Variants in DLGAP2 observed in about 807,000 individuals in gnomAD.
DLGAP2 encodes the protein disks large-associated protein 2.
In DLGAP2, 26 loss-of-function variants were observed where a neutral mutation model predicts 100.3. The ratio of observed to expected loss-of-function variants is 0.26; its 90% CI spans 0.19 to 0.36. DLGAP2 has a LOEUF of 0.36. DLGAP2 is among the 10% of genes least tolerant of loss of function. The pLI is 1.00. For missense variants in DLGAP2, 1,858 were observed against 1,453.2 expected (o/e 1.28, Z -4.53); for synonymous variants, 886 against 630.1 (o/e 1.41, Z -6.08).
At position 1,707,953 on chromosome 8, in the gene DLGAP2, C is replaced by G. The variant is rs1327004897; in HGVS notation, c.*6547C>G. On this transcript the variant is annotated 3_prime_UTR_variant, in exon 15 of 15. Coordinates refer to ENST00000637795, the MANE Select transcript of DLGAP2 (RefSeq NM_001346810.2). ...TTCTATTTAGTAGCATGCAGGATAC[C>G]TAATCTGAATGTGCAATATGCTATT... 6.6e-6 allele frequency: 1 copy of G among 152,576 alleles called. No individual in the cohort carries two copies. Among genetic ancestry groups the G allele is most frequent in the Non-Finnish European group, 1.5e-5 (1 of 68,040 alleles). 9.5% of individuals were successfully genotyped at this position (152,576 alleles called of 1,614,324 possible).
intron 6 of DLGAP2, among the ~76,000 whole-genome samples, chr8:1,586,987 G>T (rs990820003): frequency 6.6e-6 from 1 of 152,158 alleles, no homozygotes; most frequent in African/African-American, 2.4e-5. Context: ...CTAATGGGCT[G>T]ATTATACCCA....
intron 2 of DLGAP2, among the ~76,000 whole-genome samples, chr8:914,691 A>G (rs1386909230): frequency 6.6e-6 from 1 of 152,234 alleles, no homozygotes; most frequent in Non-Finnish European, 1.5e-5. Context: ...GTACGTATTT[A>G]TCTAGGTTTG....
At position 1,676,594 on chromosome 8, in the gene DLGAP2, G is replaced by T. The variant is rs763441363; in HGVS notation, c.2264G>T (p.Gly755Val). ...GGTCTGCGGGAATACCACTCTGTCGGGGTGCAAGTGGAAGATGAGAAGCGG... is the reference window on the plus strand; with the variant it reads ...GGTCTGCGGGAATACCACTCTGTCGTGGTGCAAGTGGAAGATGAGAAGCGG... ...SRGLREYHSV[G>V]VQVEDEKRHG... Residue 755 changes from glycine (G) to valine (V), a missense_variant, in exon 11 of 15, where the codon GGG becomes GTG. By Grantham distance (109) the Gly-to-Val change is moderately radical. Coordinates refer to ENST00000637795, the MANE Select transcript of DLGAP2 (RefSeq NM_001346810.2). 6.2e-7 allele frequency: 1 copy of T among 1,613,102 alleles called. No individual in the cohort carries two copies. Among genetic ancestry groups the T allele is most frequent in the East Asian group, 2.2e-5 (1 of 44,870 alleles).
intron 2 of DLGAP2, among the ~76,000 whole-genome samples, chr8:946,473 C>G (rs1398285286): frequency 1.3e-5 from 2 of 151,888 alleles, no homozygotes; most frequent in Non-Finnish European, 2.9e-5. Flanking sequence ...CCATATTAGC[C>G]AGGATGGTCT....
At chr8:1,127,771 C>T (rs550198178) in intron 2 of DLGAP2, among the ~76,000 whole-genome samples, 4 of 152,270 alleles carry the variant, frequency 2.6e-5, no homozygotes, top group East Asian at 3.9e-4. Context: ...TAACTACGCC[C>T]GTTCTGTTGT....
intron 2 of DLGAP2, among the ~76,000 whole-genome samples, chr8:1,098,673 C>T (rs1804476504): frequency 7.7e-6 from 1 of 129,250 alleles, no homozygotes; most frequent in Non-Finnish European, 1.7e-5. Flanking sequence ...CGCCAGGCTC[C>T]CGGCCGCCCA....
At chr8:891,400 A>T (rs1798031988) in intron 1 of DLGAP2, 1 of 152,348 alleles carries the variant, frequency 6.6e-6, no homozygotes, top group South Asian at 2.1e-4. Context: ...AGCCCTGGTG[A>T]GGTGTACACA....
At chr8:1,589,889 G>A (rs1041802434) in intron 6 of DLGAP2, among the ~76,000 whole-genome samples, 1 of 152,160 alleles carries the variant, frequency 6.6e-6, no homozygotes, top group African/African-American at 2.4e-5. Context: ...TTACATTTGG[G>A]GGATGGACTG....
intron 2 of DLGAP2, among the ~76,000 whole-genome samples, chr8:1,095,605 A>G (rs1471642920): frequency 1.3e-5 from 2 of 151,976 alleles, no homozygotes; most frequent in Admixed American, 1.3e-4. Flanking sequence ...AAAGTAAACC[A>G]TTTTCCGAGT....
intron 3 of DLGAP2, among the ~76,000 whole-genome samples, chr8:1,350,285 TGAGC>T (rs1397967413): frequency 3.2e-5 from 3 of 92,532 alleles, no homozygotes; most frequent in Admixed American, 1.2e-4. Flanking sequence ...GTGCGGGTCC[TGAGC>T]GTGCGTGGAA....
At chr8:1,221,305 A>G (rs1458593177) in intron 2 of DLGAP2, among the ~76,000 whole-genome samples, 2 of 152,188 alleles carry the variant, frequency 1.3e-5, no homozygotes, top group African/African-American at 2.4e-5. Flanking sequence ...CTAATGAATT[A>G]TCTTAGCATT....
chr8:977,192 T>C (rs543603609), intron 2 of DLGAP2, among the ~76,000 whole-genome samples: 1 of 152,358 alleles, frequency 6.6e-6, no homozygotes, highest in Non-Finnish European at 1.5e-5. Context: ...AATGTTTCTG[T>C]AGACCAGCCC....
At chr8:1,233,930 A>G (rs927093337) in intron 2 of DLGAP2, among the ~76,000 whole-genome samples, 1 of 152,188 alleles carries the variant, frequency 6.6e-6, no homozygotes, top group Non-Finnish European at 1.5e-5. Context: ...AATGACACAA[A>G]AGGACTTAAG....
At chr8:859,990 A>T (rs1797359457) in intron 1 of DLGAP2, among the ~76,000 whole-genome samples, 1 of 152,174 alleles carries the variant, frequency 6.6e-6, no homozygotes, top group African/African-American at 2.4e-5. Context: ...TATTAGTGTT[A>T]ATGGTGGTAA....
At chr8:1,540,437 G>A (rs1199167494) in intron 4 of DLGAP2, among the ~76,000 whole-genome samples, 1 of 152,154 alleles carries the variant, frequency 6.6e-6, no homozygotes, top group Non-Finnish European at 1.5e-5. Context: ...TAATGAAAGA[G>A]AGGGAAAGGA....
chr8:1,163,746 C>T (rs1028215218), intron 2 of DLGAP2, among the ~76,000 whole-genome samples: 30 of 152,184 alleles, frequency 2.0e-4, no homozygotes, highest in Admixed American at 2.0e-3. Flanking sequence ...GTAACGCGGC[C>T]GCCGCGGGTG....
At chr8:1,464,363 CAACGCCCTTCCAGGAT>C (rs1798558568) in intron 3 of DLGAP2, among the ~76,000 whole-genome samples, 3 of 91,896 alleles carry the variant, frequency 3.3e-5, no homozygotes, top group African/African-American at 1.3e-4. Flanking sequence ...CCTTCCAGGA[CAACGCCCTTCCAGGAT>C]GGCACCCTTC....
intron 3 of DLGAP2, among the ~76,000 whole-genome samples, chr8:1,490,276 T>A (rs1296753442): frequency 6.6e-6 from 1 of 152,124 alleles, no homozygotes; most frequent in African/African-American, 2.4e-5. Context: ...CAGCAATAAT[T>A]AGAGCTGTGA....
chr8:1,261,029 G>GGAA (rs1283203941), intron 3 of DLGAP2, among the ~76,000 whole-genome samples: 1 of 152,252 alleles, frequency 6.6e-6, no homozygotes, highest in African/African-American at 2.4e-5. Flanking sequence ...GAGGAGGGGA[G>GGAA]GAAACGTGTT....
Sources: gnomAD v4.1 joint callset for allele counts (sites outside exome capture counted in the v4.1 genomes callset) on GRCh38, gnomAD v4.1.1 for gene constraint, MANE v1.5 for transcripts, NCBI Gene and HGNC (gene_info 2026-07-23, HGNC 2026-07-21) for gene names.